SNTG2: variants seen among roughly 807,000 people sequenced by gnomAD.
The protein encoded by SNTG2 is syntrophin gamma 2.
Under a neutral mutation model 70.9 loss-of-function variants are expected in SNTG2, and 74 were observed. That is an observed-to-expected ratio of 1.04 (90% CI 0.86 to 1.27). The LOEUF (loss-of-function observed/expected upper bound fraction) is 1.27, where lower values mean the gene tolerates loss of function less well. SNTG2 is among the 50% of genes most tolerant of loss of function. The pLI is 0.00. For missense variants in SNTG2, 717 were observed against 690.7 expected (o/e 1.04, Z -0.43); for synonymous variants, 278 against 273.8 (o/e 1.02, Z -0.15).
At chr2:1,303,263 C>T (rs1447659538) in intron 14 of SNTG2, among the ~76,000 whole-genome samples, 1 of 152,104 alleles carries the variant, frequency 6.6e-6, no homozygotes, top group African/African-American at 2.4e-5. Flanking sequence ...CAAGCATCAA[C>T]AAATTTGTAA....
intron 8 of SNTG2, among the ~76,000 whole-genome samples, chr2:1,199,899 A>G (rs1673171141): frequency 6.6e-6 from 1 of 152,118 alleles, no homozygotes. Context: ...TCTCATACTC[A>G]TGGATCAAAA....
intron 8 of SNTG2, among the ~76,000 whole-genome samples, chr2:1,202,792 T>C (rs569107961): frequency 2.0e-5 from 3 of 152,310 alleles, no homozygotes; most frequent in Non-Finnish European, 4.4e-5. Context: ...ATGAGTGGTC[T>C]TCAAAATAAG....
intron 4 of SNTG2, among the ~76,000 whole-genome samples, chr2:1,132,798 C>T (rs140467140): frequency 6.6e-6 from 1 of 152,116 alleles, no homozygotes; most frequent in African/African-American, 2.4e-5. Context: ...GCCCACTCAC[C>T]CTCCCTCCAG....
At chr2:1,350,945 A>C (rs911181558) in intron 16 of SNTG2, among the ~76,000 whole-genome samples, 1 of 151,966 alleles carries the variant, frequency 6.6e-6, no homozygotes, top group African/African-American at 2.4e-5. Flanking sequence ...TGTCTTCCCA[A>C]TTCCTTAATA....
intron 4 of SNTG2, among the ~76,000 whole-genome samples, chr2:1,112,266 A>G (rs565977490): frequency 9.1e-6 from 1 of 110,084 alleles, no homozygotes. Context: ...AAGGATCGTG[A>G]GTACTAAGTG....
intron 1 of SNTG2, among the ~76,000 whole-genome samples, chr2:1,011,183 T>C (rs1351518584): frequency 7.9e-5 from 12 of 152,308 alleles, no homozygotes; most frequent in Non-Finnish European, 4.4e-5. Context: ...ACCATTCTGA[T>C]CTAATCTCTA....
At chr2:1,216,246 T>C (rs1304882401) in intron 9 of SNTG2, among the ~76,000 whole-genome samples, 2 of 152,194 alleles carry the variant, frequency 1.3e-5, no homozygotes, top group Non-Finnish European at 2.9e-5. Context: ...TGATTGCCAT[T>C]CTAACTGGTG....
intron 4 of SNTG2, among the ~76,000 whole-genome samples, chr2:1,134,045 T>C (rs1362870849): frequency 6.6e-6 from 1 of 151,944 alleles, no homozygotes; most frequent in South Asian, 2.1e-4. Context: ...CAGACCTTTG[T>C]GGTGAGTGTT....
chr2:1,040,158 T>TA (rs1244188824), intron 1 of SNTG2, among the ~76,000 whole-genome samples: 1 of 152,190 alleles, frequency 6.6e-6, no homozygotes, highest in Admixed American at 6.5e-5. Flanking sequence ...ATCATTCTCT[T>TA]ACAGTCAATT....
At chr2:1,324,452 A>G (rs930977220) in intron 16 of SNTG2, among the ~76,000 whole-genome samples, 1 of 152,222 alleles carries the variant, frequency 6.6e-6, no homozygotes, top group African/African-American at 2.4e-5. Context: ...TTCAAGCCAG[A>G]ATGAAAAAAA....
At chr2:1,335,780 A>G (rs1659788746) in intron 16 of SNTG2, among the ~76,000 whole-genome samples, 2 of 151,932 alleles carry the variant, frequency 1.3e-5, no homozygotes, top group South Asian at 4.2e-4. Flanking sequence ...GATTTGGCAA[A>G]ATATGAGATG....
intron 1 of SNTG2, among the ~76,000 whole-genome samples, chr2:960,075 C>T (rs1266300777): frequency 6.6e-6 from 1 of 152,038 alleles, no homozygotes; most frequent in Non-Finnish European, 1.5e-5. Flanking sequence ...CATCAATTAC[C>T]ATCATCCCCC....
chr2:1,318,398 C>T (rs4927636), intron 16 of SNTG2, among the ~76,000 whole-genome samples: 15,846 of 152,158 alleles, frequency 0.1, 943 homozygotes, highest in South Asian at 0.18. Flanking sequence ...TGAAATGACA[C>T]TTTATAGTTG....
intron 1 of SNTG2, among the ~76,000 whole-genome samples, chr2:1,048,029 A>AT (rs1469434083): frequency 2.0e-5 from 3 of 152,096 alleles, no homozygotes; most frequent in African/African-American, 7.2e-5. Context: ...ATATATTTAG[A>AT]TTTTTAATAT....
intron 1 of SNTG2, among the ~76,000 whole-genome samples, chr2:1,039,602 C>G (rs1474056974): frequency 6.6e-6 from 1 of 152,170 alleles, no homozygotes; most frequent in East Asian, 1.9e-4. Context: ...ATGGCAGAAT[C>G]AGTCTCTTTT....
At chr2:1,358,255 A>G (rs1573026589) in intron 16 of SNTG2, among the ~76,000 whole-genome samples, 1 of 152,264 alleles carries the variant, frequency 6.6e-6, no homozygotes, top group Middle Eastern at 3.4e-3. Context: ...GGTGAACAAA[A>G]CATTCAGTCC....
At chr2:977,111 A>G (rs1310027356) in intron 1 of SNTG2, among the ~76,000 whole-genome samples, 1 of 152,208 alleles carries the variant, frequency 6.6e-6, no homozygotes, top group Non-Finnish European at 1.5e-5. Context: ...AGGAAGCCGC[A>G]GGTTCTTCTC....
At chr2:1,023,249 C>G (rs1262825403) in intron 1 of SNTG2, among the ~76,000 whole-genome samples, 4 of 152,036 alleles carry the variant, frequency 2.6e-5, no homozygotes, top group Non-Finnish European at 5.9e-5. Context: ...AATCACCCCC[C>G]AGCCTGGCCT....
chr2:1,168,255 C>T (rs1251864723), intron 7 of SNTG2, among the ~76,000 whole-genome samples: 2 of 146,984 alleles, frequency 1.4e-5, no homozygotes, highest in African/African-American at 2.5e-5. Context: ...GCCTACAGGC[C>T]GCCCACAGAC....
Sources: gnomAD v4.1 joint callset for allele counts (sites outside exome capture counted in the v4.1 genomes callset) on GRCh38, gnomAD v4.1.1 for gene constraint, MANE v1.5 for transcripts, NCBI Gene and HGNC (gene_info 2026-07-23, HGNC 2026-07-21) for gene names.